GULP1: variants seen among roughly 807,000 people sequenced by gnomAD.
GULP1 encodes GULP PTB domain containing engulfment adaptor 1.
A neutral mutation model predicts 40.9 loss-of-function variants in GULP1; 19 were observed. The observed-to-expected ratio is 0.46, with a 90% CI of 0.32 to 0.68. The LOEUF (loss-of-function observed/expected upper bound fraction) is 0.68, where lower values mean the gene tolerates loss of function less well. Among genes scored for constraint, GULP1 ranks in the 30% least tolerant of loss-of-function variants. GULP1 has a pLI of 0.03. For synonymous variants in GULP1, 119 were observed against 117.6 expected (o/e 1.01, Z -0.08); for missense variants, 312 against 362.2 (o/e 0.86, Z 1.12).
intron 1 of GULP1, among the ~76,000 whole-genome samples, chr2:188,379,756 T>A (rs933516826): frequency 6.6e-6 from 1 of 152,184 alleles, no homozygotes; most frequent in Non-Finnish European, 1.5e-5. Flanking sequence ...CAAAAGAGTT[T>A]CCTATAAATA....
chr2:188,450,214 T>A (rs1381773652), intron 2 of GULP1, among the ~76,000 whole-genome samples: 1 of 152,178 alleles, frequency 6.6e-6, no homozygotes. Flanking sequence ...TTACAGAACA[T>A]GATGAAAATA....
At chr2:188,339,841 T>A (rs1242219409) in intron 1 of GULP1, among the ~76,000 whole-genome samples, 2 of 152,238 alleles carry the variant, frequency 1.3e-5, no homozygotes, top group Non-Finnish European at 2.9e-5. Flanking sequence ...TGGGCTTCTT[T>A]GAGCTTCAGC....
intron 2 of GULP1, among the ~76,000 whole-genome samples, chr2:188,405,906 A>G (rs555388509): frequency 6.6e-6 from 1 of 152,368 alleles, no homozygotes; most frequent in South Asian, 2.1e-4. Context: ...AAGAACAGTC[A>G]TAGAAACATG....
chr2:188,515,211 A>T (rs1250346064), intron 4 of GULP1, among the ~76,000 whole-genome samples: 1 of 152,088 alleles, frequency 6.6e-6, no homozygotes, highest in Non-Finnish European at 1.5e-5. Flanking sequence ...ATATCTGGCA[A>T]CCGCATTCAG....
intron 7 of GULP1, among the ~76,000 whole-genome samples, chr2:188,567,262 C>G (rs1381384606): frequency 6.6e-6 from 1 of 152,028 alleles, no homozygotes; most frequent in Non-Finnish European, 1.5e-5. Context: ...ACCATTTGAC[C>G]CAGAGATCTC....
chr2:188,575,417 G>A (rs1248957663), intron 9 of GULP1, among the ~76,000 whole-genome samples: 1 of 152,176 alleles, frequency 6.6e-6, no homozygotes, highest in Non-Finnish European at 1.5e-5. Flanking sequence ...GAAAGAAAGA[G>A]AGGTTGGTAA....
At chr2:188,474,694 G>T (rs1234441148) in intron 2 of GULP1, among the ~76,000 whole-genome samples, 1 of 152,172 alleles carries the variant, frequency 6.6e-6, no homozygotes, top group Non-Finnish European at 1.5e-5. Context: ...GTGCTCATCT[G>T]ATGTTTGATT....
chr2:188,425,201 A>G (rs978381143), intron 2 of GULP1, among the ~76,000 whole-genome samples: 2 of 152,096 alleles, frequency 1.3e-5, no homozygotes, highest in African/African-American at 2.4e-5. Context: ...CAAGATAATT[A>G]GATGATTCTT....
At chr2:188,334,665 T>G (rs1280170694) in intron 1 of GULP1, among the ~76,000 whole-genome samples, 1 of 152,240 alleles carries the variant, frequency 6.6e-6, no homozygotes, top group East Asian at 1.9e-4. Context: ...GTATTAGGAC[T>G]GTCCATGACC....
chr2:188,474,945 A>G (rs1266684118), intron 2 of GULP1, among the ~76,000 whole-genome samples: 1 of 152,210 alleles, frequency 6.6e-6, no homozygotes, highest in Non-Finnish European at 1.5e-5. Context: ...GTCAATTTAC[A>G]TAGAATTGTA....
At chr2:188,520,568 G>A in intron 4 of GULP1, among the ~76,000 whole-genome samples, 1 of 147,804 alleles carries the variant, frequency 6.8e-6, no homozygotes, top group Non-Finnish European at 1.5e-5. Flanking sequence ...GTCCCTTACA[G>A]AATCTGAAAA....
chr2:188,502,889 T>A (rs1463981274), intron 4 of GULP1, among the ~76,000 whole-genome samples: 1 of 151,890 alleles, frequency 6.6e-6, no homozygotes, highest in Admixed American at 6.6e-5. Context: ...CTGATAAGGA[T>A]CCTGTCTTTG....
intron 4 of GULP1, among the ~76,000 whole-genome samples, chr2:188,495,488 T>C (rs2062813142): frequency 1.3e-5 from 2 of 152,126 alleles, no homozygotes; most frequent in South Asian, 2.1e-4. Flanking sequence ...AACAACAAAC[T>C]CACTTATCCA....
chr2:188,582,400 C>A (rs1701502254), intron 9 of GULP1: 1 of 471,468 alleles, frequency 2.1e-6, no homozygotes, highest in African/African-American at 2.0e-5. Flanking sequence ...CATCCTCTTT[C>A]TGGCGTAGTA....
At chr2:188,375,107 T>C (rs2048132245) in intron 1 of GULP1, among the ~76,000 whole-genome samples, 1 of 152,172 alleles carries the variant, frequency 6.6e-6, no homozygotes, top group Non-Finnish European at 1.5e-5. Flanking sequence ...TGTGAAACAA[T>C]TATTATTATA....
intron 2 of GULP1, among the ~76,000 whole-genome samples, chr2:188,456,644 G>A (rs1030898463): frequency 9.2e-5 from 14 of 152,220 alleles, no homozygotes; most frequent in Non-Finnish European, 2.1e-4. Flanking sequence ...GGACAGCGAG[G>A]AAGGGAAATG....
At chr2:188,313,194 C>T (rs1012622916) in intron 1 of GULP1, among the ~76,000 whole-genome samples, 3 of 152,072 alleles carry the variant, frequency 2.0e-5, no homozygotes, top group Non-Finnish European at 4.4e-5. Flanking sequence ...AGTCTTTGTC[C>T]ATGCCTGCGT....
intron 2 of GULP1, among the ~76,000 whole-genome samples, chr2:188,451,668 TAA>T (rs1268787515): frequency 6.6e-6 from 1 of 152,180 alleles, no homozygotes; most frequent in Non-Finnish European, 1.5e-5. Flanking sequence ...ACAATGTTTT[TAA>T]AGTGTGCTTT....
At chr2:188,337,607 A>G (rs1285850970) in intron 1 of GULP1, among the ~76,000 whole-genome samples, 1 of 151,886 alleles carries the variant, frequency 6.6e-6, no homozygotes, top group South Asian at 2.1e-4. Context: ...AGGGAAAGCC[A>G]TGGTAGAGCT....
Sources: gnomAD v4.1 joint callset for allele counts (sites outside exome capture counted in the v4.1 genomes callset) on GRCh38, gnomAD v4.1.1 for gene constraint, MANE v1.5 for transcripts, NCBI Gene and HGNC (gene_info 2026-07-23, HGNC 2026-07-21) for gene names.